ASXL3: variants seen among roughly 807,000 people sequenced by gnomAD.
ASXL3 encodes the protein ASXL transcriptional regulator 3.
ASXL3 carries 34 observed loss-of-function variants against 170.6 expected under a neutral mutation model. The observed-to-expected ratio is 0.20, with a 90% CI of 0.15 to 0.27. ASXL3 has a LOEUF of 0.27. Among genes scored for constraint, ASXL3 ranks in the 10% least tolerant of loss-of-function variants. The probability of loss-of-function intolerance (pLI) is 1.00; values close to 1 mark genes in which losing one functional copy is unlikely to be tolerated. For missense variants in ASXL3, 2,592 were observed against 2,695.3 expected, an observed-to-expected ratio of 0.96 and a Z score of 0.85; for synonymous variants, 1,002 against 989.1, an observed-to-expected ratio of 1.01 and a Z score of -0.24.
In ASXL3 at chr18:33,743,458, G is replaced by A. The variant is rs1357134545; in HGVS notation, c.3610G>A (p.Asp1204Asn). Reference protein sequence around the residue: ...TATDLSVHSSDENIPVSHLSE... With the variant: ...TATDLSVHSSNENIPVSHLSE... ...CACTGACTTATCTGTGCATAGTTCT[G>A]ATGAAAACATACCTGTGTCACATTT... The change falls in exon 12 of 12, where the codon GAT (aspartate) becomes AAT (asparagine). Residue 1204 changes from aspartate to asparagine, a missense_variant. Physicochemically the swap from Asp to Asn is conservative, Grantham distance 23. This residue lies in a region of ASXL3 where 2,246 missense variants were observed against 2,219.6 expected (regional missense o/e 1.01). Coordinates refer to ENST00000269197, the MANE Select transcript of ASXL3 (RefSeq NM_030632.3). 1 of 1,613,442 alleles carries A rather than the reference G, an allele frequency of 6.2e-7. No individual in the cohort carries two copies. Among genetic ancestry groups the A allele is most frequent in the Admixed American group, 1.7e-5 (1 of 60,024 alleles).
At chr18:33,634,094 A>G (rs2065729442) in intron 2 of ASXL3, among the ~76,000 whole-genome samples, 1 of 152,122 alleles carries the variant, frequency 6.6e-6, no homozygotes, top group Non-Finnish European at 1.5e-5. Flanking sequence ...AGGGGAGTTG[A>G]GGAGGACTTT....
intron 7 of ASXL3, among the ~76,000 whole-genome samples, chr18:33,672,907 A>G (rs2066368016): frequency 6.6e-6 from 1 of 152,272 alleles, no homozygotes; most frequent in East Asian, 1.9e-4. Context: ...AGAGACCTTT[A>G]GGAAAGCAGA....
intron 5 of ASXL3, among the ~76,000 whole-genome samples, chr18:33,665,135 G>A (rs987872385): frequency 2.6e-5 from 4 of 151,926 alleles, no homozygotes; most frequent in Non-Finnish European, 4.4e-5. Flanking sequence ...ATTTTAAACC[G>A]GCACAAGATA....
intron 8 of ASXL3, among the ~76,000 whole-genome samples, chr18:33,696,884 G>A (rs1328164849): frequency 6.6e-6 from 1 of 152,142 alleles, no homozygotes; most frequent in African/African-American, 2.4e-5. Flanking sequence ...ATTTGTTAAA[G>A]AATCAATCTC....
At chr18:33,736,310 C>T (rs913338471) in intron 10 of ASXL3, among the ~76,000 whole-genome samples, 13 of 152,066 alleles carry the variant, frequency 8.5e-5, no homozygotes, top group African/African-American at 3.1e-4. Flanking sequence ...TTGCCGTCAC[C>T]AAGCTCTGAA....
chr18:33,581,609 A>T (rs528854061), intron 1 of ASXL3, among the ~76,000 whole-genome samples: 2 of 152,268 alleles, frequency 1.3e-5, no homozygotes, highest in Admixed American at 1.3e-4. Context: ...CTTAAAGAAA[A>T]ATATATGTGG....
At chr18:33,632,429 C>T (rs996953706) in intron 2 of ASXL3, among the ~76,000 whole-genome samples, 4 of 152,156 alleles carry the variant, frequency 2.6e-5, no homozygotes, top group African/African-American at 4.8e-5. Flanking sequence ...TGAACACCAC[C>T]ATTAACTCTC....
intron 1 of ASXL3, among the ~76,000 whole-genome samples, chr18:33,601,446 C>T (rs1192576730): frequency 6.6e-6 from 1 of 151,934 alleles, no homozygotes; most frequent in East Asian, 1.9e-4. Flanking sequence ...GATGTCTTAT[C>T]TAACATCAGA....
chr18:33,683,992 T>C (rs1439389476), intron 8 of ASXL3, among the ~76,000 whole-genome samples: 1 of 152,214 alleles, frequency 6.6e-6, no homozygotes, highest in Non-Finnish European at 1.5e-5. Flanking sequence ...TGTTTGCAAT[T>C]GCTCTCTGAG....
chr18:33,660,192 G>T (rs990680996), intron 4 of ASXL3, among the ~76,000 whole-genome samples: 6 of 151,986 alleles, frequency 3.9e-5, no homozygotes, highest in African/African-American at 1.4e-4. Context: ...CTCCATTATA[G>T]AAATATATAC....
intron 4 of ASXL3, among the ~76,000 whole-genome samples, chr18:33,650,520 CAGG>C (rs2065980784): frequency 1.3e-5 from 2 of 152,018 alleles, no homozygotes; most frequent in Non-Finnish European, 2.9e-5. Flanking sequence ...ATGGAGGCTG[CAGG>C]AGATTTTGAT....
Position 33,738,849 on chromosome 18 carries a change from G to C in ASXL3, c.1445G>C (p.Ser482Thr). Residue 482 changes from serine (S) to threonine (T), a missense_variant, in exon 11 of 12, where the codon AGT (serine) becomes ACT (threonine). This residue lies in a region of ASXL3 where 2,246 missense variants were observed against 2,219.6 expected (regional missense o/e 1.01). Transcript: ENST00000269197. Reference protein sequence around the residue: ...TIPEFSEEAESLTNSHEEPQI... With the variant: ...TIPEFSEEAETLTNSHEEPQI... The stretch of plus-strand genomic sequence containing the variant: ...CCTGAATTTTCTGAGGAGGCTGAAA[G>C]TCTAACCAATTCTCATGAAGAACCC... 1 of 1,613,618 alleles carries C rather than the reference G, an allele frequency of 6.2e-7. No individual in the cohort carries two copies. The highest frequency in any genetic ancestry group is 8.5e-7 in the Non-Finnish European group (1 of 1,179,844).
chr18:33,737,506 C>T (rs1033513727), intron 10 of ASXL3, among the ~76,000 whole-genome samples: 6 of 152,116 alleles, frequency 3.9e-5, no homozygotes, highest in Non-Finnish European at 2.9e-5. Flanking sequence ...CAGTGATTTA[C>T]AGTACCCTTG....
At chr18:33,615,864 A>G (rs1299883437) in intron 2 of ASXL3, among the ~76,000 whole-genome samples, 1 of 152,132 alleles carries the variant, frequency 6.6e-6, no homozygotes, top group Non-Finnish European at 1.5e-5. Context: ...TTTAGATAAA[A>G]TTTTGAATTT....
intron 2 of ASXL3, among the ~76,000 whole-genome samples, chr18:33,630,864 T>G (rs1182419113): frequency 6.6e-6 from 1 of 152,038 alleles, no homozygotes; most frequent in Non-Finnish European, 1.5e-5. Flanking sequence ...ACATGTAATT[T>G]TTTTACATTT....
chr18:33,673,199 C>G (rs1291677700), intron 7 of ASXL3, among the ~76,000 whole-genome samples: 1 of 152,132 alleles, frequency 6.6e-6, no homozygotes, highest in African/African-American at 2.4e-5. Context: ...ATTTAAACAT[C>G]TGCGGCCTTT....
chr18:33,693,061 C>A (rs1032394268), intron 8 of ASXL3, among the ~76,000 whole-genome samples: 1 of 152,094 alleles, frequency 6.6e-6, no homozygotes, highest in African/African-American at 2.4e-5. Context: ...AGAGCCTTAT[C>A]TCCGAAGAAA....
intron 5 of ASXL3, among the ~76,000 whole-genome samples, chr18:33,670,379 T>C (rs918390739): frequency 1.3e-5 from 2 of 152,236 alleles, no homozygotes; most frequent in Non-Finnish European, 2.9e-5. Flanking sequence ...TCAAATTCCA[T>C]GGACTCTCAA....
At chr18:33,668,528 T>C (rs150417539) in intron 5 of ASXL3, among the ~76,000 whole-genome samples, 2,917 of 152,218 alleles carry the variant, frequency 0.019, 40 homozygotes, top group Non-Finnish European at 0.025. Flanking sequence ...TTTAAAAATA[T>C]TGTACTAAGA....
Sources: gnomAD v4.1 joint callset for allele counts (sites outside exome capture counted in the v4.1 genomes callset) on GRCh38, gnomAD v4.1.1 for gene constraint, gnomAD v4.1.1 regional missense constraint, MANE v1.5 for transcripts, NCBI Gene and HGNC (gene_info 2026-07-23, HGNC 2026-07-21) for gene names.